The following NOD1 variants were observed in gnomAD, a reference collection of about 807,000 sequenced individuals.
The protein encoded by NOD1 is nucleotide-binding oligomerization domain-containing protein 1.
Under a neutral mutation model 81.2 loss-of-function variants are expected in NOD1, and 70 were observed. The ratio of observed to expected loss-of-function variants is 0.86; its 90% CI spans 0.71 to 1.05. NOD1 has a LOEUF of 1.05. Ranked by LOEUF, NOD1 falls within the 50% of genes least tolerant of loss-of-function variation. NOD1 has a pLI of 0.00. For missense variants in NOD1, 1,233 were observed against 1,228.0 expected (o/e 1.00, Z -0.06); for synonymous variants, 508 against 526.9 (o/e 0.96, Z 0.49).
intron 1 of NOD1, among the ~76,000 whole-genome samples, chr7:30,462,875 G>T (rs558508181): frequency 3.5e-4 from 53 of 151,900 alleles, no homozygotes; most frequent in Middle Eastern, 3.4e-3. Context: ...GTTGAATCCG[G>T]GAGGCGGAGG....
At chr7:30,476,565 C>T (rs758408716) in intron 1 of NOD1, among the ~76,000 whole-genome samples, 7 of 152,194 alleles carry the variant, frequency 4.6e-5, no homozygotes, top group Non-Finnish European at 7.3e-5. Flanking sequence ...CAGGGAGCAA[C>T]GTGCGTGTGT....
chr7:30,458,329 C>T (rs1786616686), intron 3 of NOD1, among the ~76,000 whole-genome samples: 2 of 152,064 alleles, frequency 1.3e-5, no homozygotes, highest in South Asian at 2.1e-4. Flanking sequence ...GCCACTTTGT[C>T]GTTTGTCTAG....
At chr7:30,438,246 T>C (rs1169971224) in intron 9 of NOD1, among the ~76,000 whole-genome samples, 1 of 152,242 alleles carries the variant, frequency 6.6e-6, no homozygotes, top group Non-Finnish European at 1.5e-5. Context: ...AAAGCTGTAT[T>C]CTGTCCCCTA....
intron 5 of NOD1, 81 bp from the exon 6 acceptor site, chr7:30,453,121 G>T: frequency 6.8e-7 from 1 of 1,470,666 alleles, no homozygotes. Flanking sequence ...GTCTCAAAGA[G>T]GAGAGGCGAG....
Position 30,425,362 on chromosome 7 carries a change from AATTAT to A in NOD1, c.*271_*275del. ...TATTCCTCTAGCTTCAGATAAAAAT[AATTAT>A]AATAGGCAATAAAGTCTCTTCACAG... On this transcript the variant is annotated 3_prime_UTR_variant, in exon 14 of 14. Coordinates refer to ENST00000222823, the MANE Select transcript of NOD1 (RefSeq NM_006092.4). The A allele has an allele frequency of 2.5e-6, 1 of 398,910 alleles. No individual in the cohort carries two copies. The highest frequency in any genetic ancestry group is 4.5e-6 in the Non-Finnish European group (1 of 220,596). The allele number at this position is 398,910 out of a possible 1,614,324, so 24.7% of individuals were successfully genotyped here. A position where few individuals can be genotyped will look rare whatever the true frequency, so the allele number is the denominator to read the frequency against.
Position 30,451,096 on chromosome 7 carries a change from GACATTCCAAGGGCCATGGTC to G in NOD1, c.2201+100_2201+119del, listed in dbSNP as rs1240928249. On this transcript the variant is annotated intron_variant, in intron 6 of 13. Coordinates refer to ENST00000222823, the MANE Select transcript of NOD1 (RefSeq NM_006092.4). The surrounding 1 kb of genome is among the most constrained non-coding windows in gnomAD (Gnocchi z 4.2). The stretch of plus-strand genomic sequence containing the variant: ...GCCCTGCTAAGAAAGAAAAGGTCTG[GACATTCCAAGGGCCATGGTC>G]ATGAGTCCTGGGGGATCCTGGTCCA... The G allele has an allele frequency of 1.7e-6, 2 of 1,190,808 alleles. No homozygotes were observed. The highest frequency in any genetic ancestry group is 5.1e-5 in the East Asian group (2 of 39,386). 73.8% of individuals were successfully genotyped at this position (1,190,808 alleles called of 1,614,324 possible).
At chr7:30,455,062 T>C in intron 5 of NOD1, 75 bp downstream of exon 5, 1 of 1,442,724 alleles carries the variant, frequency 6.9e-7, no homozygotes, top group Non-Finnish European at 9.6e-7. Flanking sequence ...CACTCAGGGC[T>C]GGCCCAGCCA....
intron 9 of NOD1, among the ~76,000 whole-genome samples, chr7:30,438,850 G>C (rs1292652337): frequency 6.6e-6 from 1 of 152,202 alleles, no homozygotes; most frequent in East Asian, 1.9e-4. Flanking sequence ...CAAAGAGAGA[G>C]AAGGGAGAGA....
chr7:30,439,249 G>A (rs1784656378), intron 9 of NOD1, among the ~76,000 whole-genome samples: 1 of 151,180 alleles, frequency 6.6e-6, no homozygotes, highest in Non-Finnish European at 1.5e-5. Flanking sequence ...ATTGGAGGGA[G>A]GAGCCAAGAT....
chr7:30,456,689 CA>C, intron 4 of NOD1, 31 bp downstream of exon 4: 1 of 1,582,248 alleles, frequency 6.3e-7, no homozygotes, highest in Non-Finnish European at 8.6e-7. Context: ...GGGGTCCACA[CA>C]ATGCCATGCC....
chr7:30,475,859 AGAGTC>A (rs941360071), intron 1 of NOD1: 1 of 152,238 alleles, frequency 6.6e-6, no homozygotes, highest in African/African-American at 2.4e-5. Context: ...TCTCACCACA[AGAGTC>A]AAGTTTAGAA....
At position 30,437,641 on chromosome 7, in the gene NOD1, T is replaced by G. The variant is rs539496422; in HGVS notation, c.2469A>C (p.Gln823His). 9.9e-6 allele frequency: 15 copies of G among 1,513,188 alleles called. No homozygotes were observed. Among genetic ancestry groups the G allele is most frequent in the Non-Finnish European group, 1.3e-5 (15 of 1,142,632 alleles). The allele number at this position is 1,513,188 out of a possible 1,614,324, so 93.7% of individuals were successfully genotyped here. A position where few individuals can be genotyped will look rare whatever the true frequency, so the allele number is the denominator to read the frequency against. The change falls in exon 10 of 14, where the codon CAA becomes CAC. Residue 823 changes from glutamine (Q) to histidine (H), a missense_variant. Gln to His is a conservative substitution (Grantham distance 24). Transcript: ENST00000222823. Reference sequence around the variant, plus strand: ...AGGCTTTTGCTCCTTCATCCCCAACTTGATTGCCCCACATCCTGAGGGAGG... The same window carrying G: ...AGGCTTTTGCTCCTTCATCCCCAACGTGATTGCCCCACATCCTGAGGGAGG... ...SISEVGMWGNQVGDEGAKAFA... is the reference protein window; with the variant it reads ...SISEVGMWGNHVGDEGAKAFA...
chr7:30,427,453 C>T (rs1783553101), intron 13 of NOD1, among the ~76,000 whole-genome samples: 1 of 152,226 alleles, frequency 6.6e-6, no homozygotes, highest in Admixed American at 6.5e-5. Context: ...GCCAGCTCAA[C>T]CACAACCCTG....
At chr7:30,471,163 G>C (rs1472457590) in intron 1 of NOD1, among the ~76,000 whole-genome samples, 1 of 151,118 alleles carries the variant, frequency 6.6e-6, no homozygotes, top group East Asian at 1.9e-4. Flanking sequence ...ACACAAACCT[G>C]TCACAGAGCT....
At chr7:30,434,027 T>C (rs538097158) in intron 11 of NOD1, among the ~76,000 whole-genome samples, 30 of 152,310 alleles carry the variant, frequency 2.0e-4, no homozygotes, top group African/African-American at 7.0e-4. Context: ...TATTGTGATA[T>C]CTATTCGAGA....
chr7:30,450,717 T>A (rs1213851014), intron 6 of NOD1, among the ~76,000 whole-genome samples: 2 of 152,196 alleles, frequency 1.3e-5, no homozygotes, highest in South Asian at 4.1e-4. Flanking sequence ...GAGCCTTACA[T>A]TAATCTTAAA....
At chr7:30,429,323 G>T in intron 13 of NOD1, 51 bp downstream of exon 13, 1 of 1,459,704 alleles carries the variant, frequency 6.9e-7, no homozygotes, top group Non-Finnish European at 9.6e-7. Context: ...GTCAGTGGTG[G>T]TGAGTAAACA....
intron 1 of NOD1, among the ~76,000 whole-genome samples, chr7:30,476,201 T>C (rs1244407179): frequency 6.6e-6 from 1 of 152,250 alleles, no homozygotes; most frequent in East Asian, 1.9e-4. Flanking sequence ...TATTGAATCC[T>C]TTTCTTTGAA....
chr7:30,455,080 A>C, intron 5 of NOD1, 57 bp downstream of exon 5: 1 of 1,556,742 alleles, frequency 6.4e-7, no homozygotes, highest in East Asian at 2.3e-5. Context: ...CCATTACCAA[A>C]CCCCCCAGGG....
Sources: allele counts gnomAD v4.1 joint callset (sites outside exome capture counted in the v4.1 genomes callset), GRCh38; gene constraint gnomAD v4.1.1; non-coding constraint Gnocchi (gnomAD v3.1); transcripts MANE v1.5; gene names NCBI Gene and HGNC (gene_info 2026-07-23, HGNC 2026-07-21).